The following UBA6 variants were observed in gnomAD, a reference collection of about 807,000 sequenced individuals.
UBA6 encodes the protein ubiquitin like modifier activating enzyme 6.
Under a neutral mutation model 148.3 loss-of-function variants are expected in UBA6, and 87 were observed. The observed-to-expected ratio is 0.59, with a 90% confidence interval of 0.49 to 0.70. The LOEUF (loss-of-function observed/expected upper bound fraction) is 0.70. Among genes scored for constraint, UBA6 ranks in the 30% least tolerant of loss-of-function variants. The pLI is 0.00. For missense variants in UBA6, 1,186 were observed against 1,241.2 expected, an observed-to-expected ratio of 0.96 and a Z score of 0.67; for synonymous variants, 376 against 401.0, an observed-to-expected ratio of 0.94 and a Z score of 0.75.
intron 28 of UBA6, among the ~76,000 whole-genome samples, chr4:67,625,571 G>A (rs1371169618): frequency 5.9e-5 from 9 of 151,888 alleles, no homozygotes; most frequent in Non-Finnish European, 1.2e-4. Flanking sequence ...CCATAAATCC[G>A]ACTCTGAAAC....
rs898151506 is a variant in UBA6, at chr4:67,673,724, A to G, written c.519T>C (p.Phe173=). The change falls in exon 7 of 33, where the codon TTT becomes TTC. Residue 173 remains phenylalanine, a synonymous_variant. Transcript: ENST00000322244. ...TAATTGGAGGGCACTGAGAACGGCAAAAGTCATTGATCTTCTTCTGCAATG... is the reference window on the plus strand; with the variant it reads ...TAATTGGAGGGCACTGAGAACGGCAGAAGTCATTGATCTTCTTCTGCAATG... ...KLPLQKKIND[F]CRSQCPPIKF... The G allele has an allele frequency of 2.5e-6, 4 of 1,611,838 alleles. No homozygotes were observed. Among genetic ancestry groups the G allele is most frequent in the Non-Finnish European group, 3.4e-6 (4 of 1,178,444 alleles).
At chr4:67,688,644 G>C (rs1730625781) in intron 2 of UBA6, among the ~76,000 whole-genome samples, 1 of 152,094 alleles carries the variant, frequency 6.6e-6, no homozygotes, top group Admixed American at 6.5e-5. Flanking sequence ...GGTGGCTTAA[G>C]ATTCAGTAGT....
intron 5 of UBA6, among the ~76,000 whole-genome samples, chr4:67,678,080 A>AT: frequency 6.9e-6 from 1 of 145,846 alleles, no homozygotes; most frequent in African/African-American, 2.5e-5. Flanking sequence ...TTTTATATAT[A>AT]TAATATATAT....
intron 18 of UBA6, 21 bp from the exon 19 acceptor site, chr4:67,639,145 G>C: frequency 6.3e-7 from 1 of 1,581,300 alleles, no homozygotes; most frequent in Non-Finnish European, 8.6e-7. Flanking sequence ...AATATAAGCA[G>C]AAGGAATATG....
At chr4:67,627,764 G>A (rs1044698230) in intron 27 of UBA6, among the ~76,000 whole-genome samples, 6 of 151,456 alleles carry the variant, frequency 4.0e-5, no homozygotes, top group African/African-American at 1.5e-4. Flanking sequence ...GAATTTTGCA[G>A]GGAGGTGGTC....
rs1020876838 is a variant in UBA6 at position 67,678,396 on chromosome 4, T to C, written c.353+43A>G. 3.9e-6 allele frequency: 5 copies of C among 1,273,756 alleles called. No homozygotes were observed. The South Asian group carries it at 4.5e-5, about 12-fold the overall frequency. The allele number at this position is 1,273,756 out of a possible 1,614,324, so 78.9% of individuals were successfully genotyped here. ...AGATAAAGGAAATATTTTAAGTAAA[T>C]AAATTTAAAAAAACTCATGATAATA... is the stretch of plus-strand genomic sequence containing the variant. On this transcript the variant is annotated intron_variant, in intron 5 of 32. Transcript: ENST00000322244.
At chr4:67,626,339 T>C (rs1361201058) in intron 28 of UBA6, 21 bp downstream of exon 28, 3 of 1,514,720 alleles carry the variant, frequency 2.0e-6, no homozygotes, top group East Asian at 2.3e-5. Context: ...TCAAAACATT[T>C]TTATAAAGAT....
Position 67,641,099 on chromosome 4 carries a change from A to G in UBA6, c.1554+52T>C, listed in dbSNP as rs372411666. The G allele has an allele frequency of 3.1e-4, 352 of 1,122,560 alleles. 1 individual carries two copies. The African/African-American group carries it at 5.1e-3, about 16-fold the overall frequency. The allele number at this position is 1,122,560 out of a possible 1,614,324, so 69.5% of individuals were successfully genotyped here. ...ACTATTTTCTATTTATTAAAAGGAA[A>G]CTCTTTTTTGTATAATACATGATTT... On this transcript the variant is annotated intron_variant, in intron 18 of 32. Transcript: ENST00000322244.
intron 19 of UBA6, among the ~76,000 whole-genome samples, chr4:67,637,789 A>T (rs1450219823): frequency 1.3e-5 from 2 of 152,080 alleles, no homozygotes; most frequent in Admixed American, 1.3e-4. Context: ...GTACCCAGGG[A>T]CACAAACACT....
intron 19 of UBA6, among the ~76,000 whole-genome samples, chr4:67,638,513 T>C (rs1729225548): frequency 6.6e-6 from 1 of 152,152 alleles, no homozygotes; most frequent in African/African-American, 2.4e-5. Context: ...TGTGCTTCCT[T>C]CTCAGGTAGC....
At position 67,663,500 on chromosome 4, in the gene UBA6, C is replaced by T. The variant is rs546860117; in HGVS notation, c.961-285G>A. 2.6e-4 allele frequency: 91 copies of T among 351,960 alleles called. 1 individual carries two copies. In the South Asian group the frequency reaches 7.3e-3, roughly 28 times the overall value. 21.8% of individuals were successfully genotyped at this position (351,960 alleles called of 1,614,324 possible). On this transcript the variant is annotated intron_variant, in intron 11 of 32. Transcript: ENST00000322244. ...ACATTTACTGCTACAAAATTACATC[C>T]ATTTTAAAAAAAAATAGAATACATA...
At chr4:67,649,992 C>T (rs1156706426) in intron 13 of UBA6, among the ~76,000 whole-genome samples, 1 of 152,104 alleles carries the variant, frequency 6.6e-6, no homozygotes, top group Non-Finnish European at 1.5e-5. Context: ...TTATTACACT[C>T]TCAAAAATAT....
At chr4:67,697,361 T>G (rs1038077080) in intron 1 of UBA6, among the ~76,000 whole-genome samples, 5 of 152,030 alleles carry the variant, frequency 3.3e-5, no homozygotes, top group Admixed American at 1.3e-4. Context: ...CCATGAACTT[T>G]CTCTATATAT....
chr4:67,657,196 T>C (rs1577814967), intron 13 of UBA6, among the ~76,000 whole-genome samples: 1 of 152,172 alleles, frequency 6.6e-6, no homozygotes, highest in Admixed American at 6.5e-5. Context: ...AAAGTTCATA[T>C]GGAACCACAA....
At chr4:67,638,455 C>A in intron 19 of UBA6, 1 of 161,694 alleles carries the variant, frequency 6.2e-6, no homozygotes, top group Non-Finnish European at 1.4e-5. Context: ...TCACAGGACC[C>A]AGGACTGATG....
At chr4:67,658,475 C>T (rs1196919027) in intron 13 of UBA6, among the ~76,000 whole-genome samples, 1 of 152,094 alleles carries the variant, frequency 6.6e-6, no homozygotes, top group Non-Finnish European at 1.5e-5. Context: ...CACGTGTTCT[C>T]ACTTAGAAGT....
In UBA6 at chr4:67,616,121, A is replaced by G. The variant is rs1728621459; in HGVS notation, c.*2876T>C. ...AGAGCAAAATGAACACATATTATCA[A>G]TGGATACTTAACTCTGATCCTCAAG... On this transcript the variant is annotated 3_prime_UTR_variant, in exon 33 of 33. Coordinates refer to ENST00000322244, the MANE Select transcript of UBA6 (RefSeq NM_018227.6). 2.5e-6 allele frequency: 1 copy of G among 396,656 alleles called. No homozygotes were observed. Among genetic ancestry groups the G allele is most frequent in the South Asian group, 1.3e-4 (1 of 7,848 alleles). The allele number at this position is 396,656 out of a possible 1,614,324, so 24.6% of individuals were successfully genotyped here.
intron 17 of UBA6, among the ~76,000 whole-genome samples, chr4:67,642,834 CTTATCT>C (rs1203694546): frequency 3.9e-5 from 6 of 151,990 alleles, no homozygotes; most frequent in South Asian, 2.1e-4. Flanking sequence ...CTTCTTCTCC[CTTATCT>C]TTATCTCTGG....
At chr4:67,631,226 T>C (rs1031019043) in intron 25 of UBA6, among the ~76,000 whole-genome samples, 11 of 152,056 alleles carry the variant, frequency 7.2e-5, no homozygotes, top group African/African-American at 1.9e-4. Context: ...ATTAAAAAAA[T>C]AGAAAAAATA....
Sources: allele counts gnomAD v4.1 joint callset (sites outside exome capture counted in the v4.1 genomes callset), GRCh38; gene constraint gnomAD v4.1.1; transcripts MANE v1.5; gene names NCBI Gene and HGNC (gene_info 2026-07-23, HGNC 2026-07-21).